The following AHCTF1 variants were observed in gnomAD, a reference collection of about 807,000 sequenced individuals.
AHCTF1 encodes the protein AT-hook containing transcription factor 1.
Under a neutral mutation model 248.4 loss-of-function variants are expected in AHCTF1, and 24 were observed. The ratio of observed to expected loss-of-function variants is 0.10; its 90% confidence interval spans 0.07 to 0.14. The LOEUF is 0.14. AHCTF1 is among the 10% of genes least tolerant of loss of function. The probability of loss-of-function intolerance (pLI) is 1.00; values close to 1 mark genes in which losing one functional copy is unlikely to be tolerated. For missense variants in AHCTF1, 2,206 were observed against 2,636.2 expected, an observed-to-expected ratio of 0.84 and a Z score of 3.57; for synonymous variants, 786 against 929.8, an observed-to-expected ratio of 0.85 and a Z score of 2.81.
chr1:246,842,985 C>T (rs529975470), intron 34 of AHCTF1, among the ~76,000 whole-genome samples: 73 of 152,148 alleles, frequency 4.8e-4, no homozygotes, highest in Non-Finnish European at 8.8e-4. Context: ...AACTAATCTC[C>T]AAGTTATCAT....
At chr1:246,929,787 C>T (rs979584320) in intron 1 of AHCTF1, among the ~76,000 whole-genome samples, 7 of 152,228 alleles carry the variant, frequency 4.6e-5, no homozygotes, top group Admixed American at 1.3e-4. Context: ...GGCGCGGTGG[C>T]TCACGCCTGT....
intron 1 of AHCTF1, among the ~76,000 whole-genome samples, chr1:246,924,518 C>T (rs867749956): frequency 6.6e-6 from 1 of 151,836 alleles, no homozygotes; most frequent in African/African-American, 2.4e-5. Context: ...AAATACAGTA[C>T]ATATTTATGT....
intron 34 of AHCTF1, among the ~76,000 whole-genome samples, chr1:246,843,556 T>G (rs1045196244): frequency 2.0e-5 from 3 of 152,188 alleles, no homozygotes; most frequent in African/African-American, 7.2e-5. Flanking sequence ...CTGTAACTGC[T>G]GGTAAAATAT....
chr1:246,905,786 T>C (rs1216980380), intron 5 of AHCTF1, 129 bp from the exon 6 acceptor site: 9 of 670,092 alleles, frequency 1.3e-5, no homozygotes, highest in South Asian at 5.7e-5. Flanking sequence ...CTGTGGGCCA[T>C]GGCCAAGTCA....
chr1:246,900,034 T>C, intron 10 of AHCTF1, 31 bp downstream of exon 10: 3 of 1,565,444 alleles, frequency 1.9e-6, no homozygotes, highest in African/African-American at 1.4e-5. Flanking sequence ...GCATTACTTT[T>C]CTTAAGAGGT....
intron 35 of AHCTF1, 37 bp downstream of exon 35, chr1:246,842,657 T>A: frequency 6.4e-7 from 1 of 1,561,068 alleles, no homozygotes; most frequent in Non-Finnish European, 8.8e-7. Flanking sequence ...ACTGTCTCAA[T>A]CAATCAATCA....
chr1:246,872,931 T>C (rs1662700880), intron 24 of AHCTF1, among the ~76,000 whole-genome samples: 2 of 152,168 alleles, frequency 1.3e-5, no homozygotes, highest in Admixed American at 1.3e-4. Flanking sequence ...CGGGTTCACC[T>C]TAAGACTCAA....
At chr1:246,909,725 G>C (rs943764726) in intron 4 of AHCTF1, among the ~76,000 whole-genome samples, 1 of 152,160 alleles carries the variant, frequency 6.6e-6, no homozygotes, top group Non-Finnish European at 1.5e-5. Flanking sequence ...AATGTGTGCA[G>C]GGTTCAGTAC....
chr1:246,903,852 A>AACC, intron 7 of AHCTF1, 97 bp downstream of exon 7: 3 of 1,042,682 alleles, frequency 2.9e-6, no homozygotes, highest in Non-Finnish European at 4.2e-6. Flanking sequence ...AAAAAAAAAA[A>AACC]AAGAATCACT....
Position 246,849,851 on chromosome 1 carries a change from G to T in AHCTF1, c.6155C>A (p.Thr2052Asn). 6.2e-7 allele frequency: 1 copy of T among 1,613,824 alleles called. No homozygotes were observed. The highest frequency in any genetic ancestry group is 8.5e-7 in the Non-Finnish European group (1 of 1,179,822). The change falls in exon 33 of 36, where the codon ACT (threonine) becomes AAT (asparagine). Residue 2052 changes from threonine (T) to asparagine (N), a missense_variant. Transcript: ENST00000648844. ...MSSKKKLTKK[T>N]ESQSQKRSLH... ...TGAACGTTTTTGGCTTTGACTTTCA[G>T]TCTTTTTTGTAAGTTTTTTCTTAGA... is the stretch of plus-strand genomic sequence containing the variant.
chr1:246,877,369 T>C, intron 21 of AHCTF1, 67 bp from the exon 22 acceptor site: 3 of 1,451,188 alleles, frequency 2.1e-6, no homozygotes. Context: ...ACAAGAAATC[T>C]ACATGTAGAA....
At chr1:246,892,301 CTTTTTTTTTTTTTTTTT>C (rs74163502) in intron 14 of AHCTF1, among the ~76,000 whole-genome samples, 3 of 64,976 alleles carry the variant, frequency 4.6e-5, no homozygotes, top group African/African-American at 6.3e-5. Flanking sequence ...ATTTGTTTTA[CTTTTTTTTTTTTTTTTT>C]TTTTTTTTTT....
chr1:246,858,248 T>C (rs901934776), intron 29 of AHCTF1, among the ~76,000 whole-genome samples: 2 of 151,978 alleles, frequency 1.3e-5, no homozygotes, highest in African/African-American at 2.4e-5. Flanking sequence ...CATGAGCCAC[T>C]GCACCCGGCC....
chr1:246,879,170 C>T (rs998857567), intron 21 of AHCTF1, among the ~76,000 whole-genome samples: 1 of 151,924 alleles, frequency 6.6e-6, no homozygotes, highest in South Asian at 2.1e-4. Context: ...TTTTAATAGG[C>T]AGGTCACAAA....
intron 8 of AHCTF1, 139 bp from the exon 9 acceptor site, chr1:246,900,608 T>C (rs1335492421): frequency 6.3e-6 from 6 of 945,812 alleles, no homozygotes; most frequent in Non-Finnish European, 9.2e-6. Context: ...CGCATTTCTA[T>C]CATTTGTATG....
intron 24 of AHCTF1, among the ~76,000 whole-genome samples, chr1:246,870,257 G>A (rs1021591871): frequency 1.1e-4 from 16 of 152,170 alleles, no homozygotes; most frequent in South Asian, 2.1e-4. Flanking sequence ...TAGCCTGGGC[G>A]ACATAGTGAG....
chr1:246,877,190 A>C lies in AHCTF1; in HGVS notation c.2773T>G (p.Leu925Val). ...VCQEMGLMED[L>V]LKLPFTDTEQ... The stretch of plus-strand genomic sequence containing the variant: ...GTGTCTGTAAATGGTAACTTCAGTA[A>C]ATCTTCCATCAAGCCCATTTCCTGA... Residue 925 changes from leucine to valine, a missense_variant, in exon 22 of 36, where the codon TTA becomes GTA. Physicochemically the swap from Leu to Val is conservative, Grantham distance 32. Transcript: ENST00000648844. 2 of 1,613,248 alleles carry C rather than the reference A, an allele frequency of 1.2e-6. No individual in the cohort carries two copies. The highest frequency in any genetic ancestry group is 1.1e-5 in the South Asian group (1 of 90,976).
intron 15 of AHCTF1, 85 bp from the exon 16 acceptor site, chr1:246,891,145 T>G (rs1572423115): frequency 1.3e-6 from 1 of 750,534 alleles, no homozygotes; most frequent in Non-Finnish European, 2.1e-6. Context: ...CTTGGTAATT[T>G]ACATAATTTG....
intron 24 of AHCTF1, among the ~76,000 whole-genome samples, chr1:246,871,408 C>T (rs985366618): frequency 6.6e-6 from 1 of 152,220 alleles, no homozygotes; most frequent in Admixed American, 6.5e-5. Context: ...CTCCCAGGAA[C>T]TGCTCCCACA....
Sources: allele counts gnomAD v4.1 joint callset (sites outside exome capture counted in the v4.1 genomes callset), GRCh38; gene constraint gnomAD v4.1.1; transcripts MANE v1.5; gene names NCBI Gene and HGNC (gene_info 2026-07-23, HGNC 2026-07-21).